CASP10: variants seen among roughly 807,000 people sequenced by gnomAD.
The protein encoded by CASP10 is caspase-10.
Under a neutral mutation model 48.5 loss-of-function variants are expected in CASP10, and 41 were observed. The observed-to-expected ratio is 0.85, with a 90% CI of 0.66 to 1.10. The LOEUF (loss-of-function observed/expected upper bound fraction) is 1.10, where lower values mean the gene tolerates loss of function less well. Among genes scored for constraint, CASP10 ranks in the 50% least tolerant of loss-of-function variants. The pLI, the probability that CASP10 is intolerant of heterozygous loss-of-function variation, is 0.00. For synonymous variants in CASP10, 232 were observed against 238.4 expected, an observed-to-expected ratio of 0.97 and a Z score of 0.25; for missense variants, 614 against 614.5, an observed-to-expected ratio of 1.00 and a Z score of 0.01.
chr2:201,201,085 T>C (rs1945002812), intron 5 of CASP10, among the ~76,000 whole-genome samples: 1 of 151,904 alleles, frequency 6.6e-6, no homozygotes, highest in Admixed American at 6.6e-5. Flanking sequence ...TGAGATGGAG[T>C]CTCGCTCTGT....
chr2:201,196,820 A>C lies in CASP10; in HGVS notation c.684+872A>C, dbSNP rs542046302. 5.9e-5 allele frequency among the ~76,000 whole-genome samples: 9 copies of C among 152,290 alleles called. No homozygotes were observed. In the South Asian group the frequency reaches 1.9e-3, roughly 32 times the overall value. On this transcript the variant is annotated intron_variant, in intron 5 of 9. Coordinates refer to ENST00000286186, the MANE Select transcript of CASP10 (RefSeq NM_032977.4). Reference sequence around the variant, plus strand: ...CTTTTAGTAAAACTTTGTACCCATTAAACAATAACTTCTCATTTTCTCCTT... The same window carrying C: ...CTTTTAGTAAAACTTTGTACCCATTCAACAATAACTTCTCATTTTCTCCTT...
intron 9 of CASP10, among the ~76,000 whole-genome samples, chr2:201,228,571 T>G (rs1468552781): frequency 1.3e-5 from 2 of 152,160 alleles, no homozygotes; most frequent in Non-Finnish European, 2.9e-5. Context: ...CTGAGAGTGA[T>G]GGAGAGGTGT....
intron 1 of CASP10, among the ~76,000 whole-genome samples, chr2:201,184,257 C>T (rs947462088): frequency 6.6e-6 from 1 of 152,038 alleles, no homozygotes; most frequent in Non-Finnish European, 1.5e-5. Context: ...TATCTTCCTT[C>T]GCTGATTTGA....
chr2:201,206,010 A>C, intron 7 of CASP10, 37 bp downstream of exon 7: 1 of 1,443,376 alleles, frequency 6.9e-7, no homozygotes, highest in Non-Finnish European at 9.7e-7. Context: ...TTTAATAAAA[A>C]AATTTTTTTT....
At chr2:201,213,730 C>T (rs1222040961) in intron 9 of CASP10, 1 of 152,180 alleles carries the variant, frequency 6.6e-6, no homozygotes, top group Non-Finnish European at 1.5e-5. Context: ...AGGATAATTG[C>T]ACTGGTAAAA....
intron 4 of CASP10, among the ~76,000 whole-genome samples, chr2:201,193,776 A>T (rs1358034210): frequency 2.0e-5 from 3 of 152,186 alleles, no homozygotes; most frequent in Non-Finnish European, 2.9e-5. Flanking sequence ...AAATAACATG[A>T]AAAAGAAGGC....
intron 6 of CASP10, among the ~76,000 whole-genome samples, chr2:201,205,315 C>T (rs1227061199): frequency 6.6e-6 from 1 of 151,584 alleles, no homozygotes; most frequent in Non-Finnish European, 1.5e-5. Flanking sequence ...GCCTTGACCC[C>T]TCGGACTCAG....
intron 5 of CASP10, among the ~76,000 whole-genome samples, chr2:201,197,120 C>A (rs1236989929): frequency 8.0e-5 from 12 of 150,070 alleles, no homozygotes; most frequent in African/African-American, 2.9e-4. Context: ...TGACAGCATA[C>A]TGTATAATGT....
chr2:201,214,602 T>C (rs1945509184), intron 9 of CASP10: 1 of 152,156 alleles, frequency 6.6e-6, no homozygotes, highest in Non-Finnish European at 1.5e-5. Flanking sequence ...AATTGTATAA[T>C]TTTTAGAGAG....
chr2:201,204,618 C>T (rs535088343), intron 6 of CASP10, among the ~76,000 whole-genome samples: 1 of 152,304 alleles, frequency 6.6e-6, no homozygotes, highest in South Asian at 2.1e-4. Context: ...GTGCTTTGCA[C>T]TGCAGCTAAA....
At chr2:201,212,367 G>C (rs1306847777) in intron 9 of CASP10, 1 of 152,172 alleles carries the variant, frequency 6.6e-6, no homozygotes, top group Non-Finnish European at 1.5e-5. Context: ...GCTGAGACTG[G>C]GGTTGGGCCT....
intron 5 of CASP10, among the ~76,000 whole-genome samples, chr2:201,196,948 G>A (rs920998250): frequency 6.6e-6 from 1 of 152,048 alleles, no homozygotes; most frequent in Non-Finnish European, 1.5e-5. Flanking sequence ...GTTCGTTTGT[G>A]ACTAGCTTAT....
At chr2:201,192,569 A>G (rs998163349) in intron 3 of CASP10, among the ~76,000 whole-genome samples, 13 of 152,088 alleles carry the variant, frequency 8.5e-5, no homozygotes, top group African/African-American at 3.1e-4. Flanking sequence ...GCTGTGACTT[A>G]GAGTTCAGTG....
intron 9 of CASP10, among the ~76,000 whole-genome samples, chr2:201,215,787 G>A (rs574509926): frequency 1.3e-5 from 2 of 152,072 alleles, no homozygotes; most frequent in African/African-American, 4.8e-5. Flanking sequence ...CTATTTATGT[G>A]AAGAATGTAA....
At chr2:201,214,836 A>T (rs189601336) in intron 9 of CASP10, 4 of 152,130 alleles carry the variant, frequency 2.6e-5, no homozygotes, top group African/African-American at 4.8e-5. Context: ...ATGAATAATG[A>T]TAATATTATT....
rs41484145 is a variant in CASP10, at chr2:201,202,006, G to A, written c.685-1724G>A. Among the ~76,000 whole-genome samples the A allele has an allele frequency of 3.7e-3, 557 of 152,112 alleles. 3 individuals carry two copies. Among genetic ancestry groups the A allele is most frequent in the African/African-American group, 0.012 (515 of 41,502 alleles). ...GCTGGGATTACAGGCACGTGCCACC[G>A]CACCCAGCAAATTTTTTGTATTTTT... On this transcript the variant is annotated intron_variant, in intron 5 of 9. Transcript: ENST00000286186.
At chr2:201,216,063 T>C (rs1379413342) in intron 9 of CASP10, among the ~76,000 whole-genome samples, 5 of 152,028 alleles carry the variant, frequency 3.3e-5, no homozygotes, top group Non-Finnish European at 7.4e-5. Flanking sequence ...TCCATTTATT[T>C]GTGTCCTCTT....
chr2:201,227,811 G>A (rs112773628), intron 9 of CASP10, among the ~76,000 whole-genome samples: 1 of 151,758 alleles, frequency 6.6e-6, no homozygotes, highest in Non-Finnish European at 1.5e-5. Context: ...CGCCCGTCTC[G>A]GTCTCCCAAA....
intron 1 of CASP10, among the ~76,000 whole-genome samples, chr2:201,183,799 A>C (rs1472691445): frequency 1.3e-5 from 2 of 152,078 alleles, no homozygotes; most frequent in Admixed American, 1.3e-4. Context: ...TAGTTATGTC[A>C]CCTCGATATA....
Sources: allele counts gnomAD v4.1 joint callset (sites outside exome capture counted in the v4.1 genomes callset), GRCh38; gene constraint gnomAD v4.1.1; transcripts MANE v1.5; gene names NCBI Gene and HGNC (gene_info 2026-07-23, HGNC 2026-07-21).